TEX2: variants seen among roughly 807,000 people sequenced by gnomAD.
The protein encoded by TEX2 is testis expressed 2.
TEX2 carries 53 observed loss-of-function variants against 106.9 expected under a neutral mutation model. The ratio of observed to expected loss-of-function variants is 0.50; its 90% CI spans 0.40 to 0.62. TEX2 has a LOEUF of 0.62. Ranked by LOEUF, TEX2 falls within the 20% of genes least tolerant of loss-of-function variation. TEX2 has a pLI of 0.00. For missense variants in TEX2, 1,207 were observed against 1,379.0 expected (o/e 0.88, Z 1.98); for synonymous variants, 523 against 534.8 (o/e 0.98, Z 0.30).
intron 2 of TEX2, among the ~76,000 whole-genome samples, chr17:64,196,872 T>G (rs1321355906): frequency 7.2e-5 from 11 of 152,026 alleles, no homozygotes; most frequent in African/African-American, 2.7e-4. Context: ...CAAGAACGGA[T>G]TCTACACATC....
At chr17:64,159,078 C>A (rs2030764986) in intron 8 of TEX2, among the ~76,000 whole-genome samples, 1 of 152,176 alleles carries the variant, frequency 6.6e-6, no homozygotes, top group African/African-American at 2.4e-5. Context: ...CTCTGATCGG[C>A]CAGAGTTTAT....
intron 5 of TEX2, among the ~76,000 whole-genome samples, chr17:64,186,117 T>C (rs543851140): frequency 2.7e-4 from 41 of 152,298 alleles, no homozygotes; most frequent in African/African-American, 9.9e-4. Context: ...TCAGGTTTGT[T>C]TTTTAATTTG....
chr17:64,165,070 A>T (rs1201952531), intron 7 of TEX2, among the ~76,000 whole-genome samples: 1 of 152,208 alleles, frequency 6.6e-6, no homozygotes, highest in Non-Finnish European at 1.5e-5. Context: ...ACCTGTAACT[A>T]TTAACAGCTG....
In TEX2 at chr17:64,193,615, G is replaced by T. The variant is rs2032371067; in HGVS notation, c.2120C>A (p.Ala707Glu). Residue 707 changes from alanine to glutamate, a missense_variant, in exon 4 of 12, where the codon GCA (alanine) becomes GAA (glutamate). Around this residue, in one of 3 missense-constraint regions of TEX2, gnomAD observed 1,067 missense variants for 1,193.6 expected, o/e 0.89. Coordinates refer to ENST00000584379, the MANE Select transcript of TEX2 (RefSeq NM_001288732.2). ...CTTGATTTCCGACTTTAGCTTAGAT[G>T]CCAGAATAAATCTCCTAAACCATTC... Reference protein sequence around the residue: ...KEEWFRRFILASKLKSEIKKS... With the variant: ...KEEWFRRFILESKLKSEIKKS... 5.5e-6 allele frequency: 8 copies of T among 1,457,736 alleles called. No homozygotes were observed. The highest frequency in any genetic ancestry group is 6.4e-6 in the Non-Finnish European group (7 of 1,096,200). The allele number at this position is 1,457,736 out of a possible 1,614,324, so 90.3% of individuals were successfully genotyped here.
At position 64,193,715 on chromosome 17, in the gene TEX2, G is replaced by A. The variant is rs754733485; in HGVS notation, c.2020C>T (p.Pro674Ser). The A allele has an allele frequency of 3.7e-6, 6 of 1,613,228 alleles. No individual in the cohort carries two copies. The highest frequency in any genetic ancestry group is 1.7e-4 in the Middle Eastern group (1 of 6,060). Residue 674 changes from proline (P) to serine (S), a missense_variant, in exon 4 of 12, where the codon CCT becomes TCT. Coordinates refer to ENST00000584379, the MANE Select transcript of TEX2 (RefSeq NM_001288732.2). Reference sequence around the variant, plus strand: ...TGGCTAGATCTTGTTCCCTCCTGAGGGCGGGGTGGCTTCTTAGGGTCCTCA... The same window carrying A: ...TGGCTAGATCTTGTTCCCTCCTGAGAGCGGGGTGGCTTCTTAGGGTCCTCA... ...GSEDPKKPPR[P>S]QEGTRSSQRD...
At chr17:64,192,607 T>C (rs956937515) in intron 4 of TEX2, among the ~76,000 whole-genome samples, 4 of 152,294 alleles carry the variant, frequency 2.6e-5, no homozygotes, top group South Asian at 2.1e-4. Flanking sequence ...AATAAATATA[T>C]CTAGTAATCT....
intron 2 of TEX2, among the ~76,000 whole-genome samples, chr17:64,199,855 C>A (rs2032599909): frequency 6.6e-6 from 1 of 152,206 alleles, no homozygotes; most frequent in Admixed American, 6.5e-5. Flanking sequence ...TAGCCCTAGA[C>A]CCTTGGCTCA....
intron 5 of TEX2, among the ~76,000 whole-genome samples, chr17:64,186,430 G>A (rs2032077604): frequency 6.6e-6 from 1 of 152,202 alleles, no homozygotes; most frequent in South Asian, 2.1e-4. Context: ...AAACAGATCA[G>A]GTGAGTGACC....
chr17:64,243,541 C>A (rs978925771), intron 1 of TEX2, among the ~76,000 whole-genome samples: 2 of 152,178 alleles, frequency 1.3e-5, no homozygotes, highest in African/African-American at 2.4e-5. Flanking sequence ...GCCTGGCTGG[C>A]AGGTTCCAGC....
intron 5 of TEX2, among the ~76,000 whole-genome samples, chr17:64,178,140 C>A (rs760744122): frequency 1.3e-5 from 2 of 152,294 alleles, no homozygotes; most frequent in South Asian, 2.1e-4. Flanking sequence ...CTCGGCCCAG[C>A]GAAATACCCT....
intron 5 of TEX2, among the ~76,000 whole-genome samples, chr17:64,186,855 G>C (rs1160186291): frequency 6.6e-6 from 1 of 152,182 alleles, no homozygotes; most frequent in Non-Finnish European, 1.5e-5. Flanking sequence ...ACCTGGATAT[G>C]AAAGAGAGGT....
intron 1 of TEX2, among the ~76,000 whole-genome samples, chr17:64,249,264 C>T (rs1182153873): frequency 3.9e-5 from 6 of 152,080 alleles, no homozygotes; most frequent in Admixed American, 2.0e-4. Flanking sequence ...GTTAACCAAT[C>T]GACAGTACAG....
intron 1 of TEX2, among the ~76,000 whole-genome samples, chr17:64,246,425 T>G (rs1253261495): frequency 6.6e-6 from 1 of 152,182 alleles, no homozygotes; most frequent in Non-Finnish European, 1.5e-5. Context: ...TTTGCATTTT[T>G]TAGTAGAGAC....
chr17:64,193,976 T>C (rs2032384649), intron 3 of TEX2, 87 bp from the exon 4 acceptor site: 1 of 907,096 alleles, frequency 1.1e-6, no homozygotes, highest in Non-Finnish European at 1.5e-6. Context: ...GTGCAAACCT[T>C]ATAGACTTTT....
At chr17:64,190,744 G>A (rs1191612859) in intron 4 of TEX2, among the ~76,000 whole-genome samples, 1 of 152,180 alleles carries the variant, frequency 6.6e-6, no homozygotes, top group Admixed American at 6.6e-5. Flanking sequence ...CCTGCAGCCT[G>A]GGCACTGCTG....
chr17:64,202,799 A>G (rs1285543075), intron 2 of TEX2, among the ~76,000 whole-genome samples: 6 of 152,212 alleles, frequency 3.9e-5, no homozygotes, highest in East Asian at 3.8e-4. Context: ...AACCCACACT[A>G]AAGTGACTCA....
At chr17:64,180,918 C>A (rs947407454) in intron 5 of TEX2, among the ~76,000 whole-genome samples, 5 of 152,212 alleles carry the variant, frequency 3.3e-5, no homozygotes, top group African/African-American at 9.6e-5. Flanking sequence ...GTGTAGTGCC[C>A]CCACTCCTTT....
chr17:64,255,723 G>A (rs2034171253), intron 1 of TEX2: 1 of 152,188 alleles, frequency 6.6e-6, no homozygotes, highest in East Asian at 1.9e-4. Flanking sequence ...GTTTCATGAA[G>A]TCCTCTCCTT....
At chr17:64,156,164 C>T (rs1197483115) in intron 8 of TEX2, 1 of 152,302 alleles carries the variant, frequency 6.6e-6, no homozygotes, top group African/African-American at 2.4e-5. Context: ...CCAAAGGCAC[C>T]CAAGGGCACA....
Sources: allele counts gnomAD v4.1 joint callset (sites outside exome capture counted in the v4.1 genomes callset), GRCh38; gene constraint gnomAD v4.1.1; regional missense constraint gnomAD v4.1.1; transcripts MANE v1.5; gene names NCBI Gene and HGNC (gene_info 2026-07-23, HGNC 2026-07-21).